Variants in TEX26 observed in about 807,000 individuals in gnomAD.
The protein encoded by TEX26 is testis-expressed protein 26.
Under a neutral mutation model 35.3 loss-of-function variants are expected in TEX26, and 34 were observed. The ratio of observed to expected loss-of-function variants is 0.96; its 90% CI spans 0.73 to 1.28. TEX26 has a LOEUF of 1.28. TEX26 is among the 50% of genes most tolerant of loss of function. The probability of loss-of-function intolerance (pLI) is 0.00; values close to 1 mark genes in which losing one functional copy is unlikely to be tolerated. For synonymous variants in TEX26, 136 were observed against 111.8 expected, an observed-to-expected ratio of 1.22 and a Z score of -1.36; for missense variants, 371 against 330.1, an observed-to-expected ratio of 1.12 and a Z score of -0.96.
chr13:30,948,591 GT>G (rs1311068384), intron 2 of TEX26, among the ~76,000 whole-genome samples: 1 of 152,044 alleles, frequency 6.6e-6, no homozygotes, highest in Non-Finnish European at 1.5e-5. Context: ...GGGGTTGTTT[GT>G]TTTTTTCTTG....
At chr13:30,949,588 G>A (rs1218899173) in intron 2 of TEX26, among the ~76,000 whole-genome samples, 2 of 151,822 alleles carry the variant, frequency 1.3e-5, no homozygotes, top group Non-Finnish European at 2.9e-5. Flanking sequence ...TAAAAGATTT[G>A]GGTCTGATAT....
At chr13:30,948,803 GA>G (rs1487719813) in intron 2 of TEX26, among the ~76,000 whole-genome samples, 1 of 152,194 alleles carries the variant, frequency 6.6e-6, no homozygotes, top group Non-Finnish European at 1.5e-5. Context: ...TTTTAGACAT[GA>G]AGTCCTTGGC....
At position 30,936,937 on chromosome 13, in the gene TEX26, T is replaced by C. The variant is rs140188027; in HGVS notation, c.62-2757T>C. On this transcript the variant is annotated intron_variant, in intron 1 of 6. Transcript: ENST00000380473. ...TGTTAATGAAGAAAATTAATTCCAA[T>C]GGCATACTGTACTTTCAGAAGCTTT... 40 of 985,408 alleles carry C rather than the reference T, an allele frequency of 4.1e-5. 1 individual carries two copies. In the East Asian group the frequency reaches 4.4e-3, roughly 109 times the overall value. 61.0% of individuals were successfully genotyped at this position (985,408 alleles called of 1,614,324 possible).
chr13:30,938,953 G>A (rs1184985937), intron 1 of TEX26, among the ~76,000 whole-genome samples: 1 of 152,104 alleles, frequency 6.6e-6, no homozygotes, highest in African/African-American at 2.4e-5. Context: ...AGCTTTAAAT[G>A]GCATCTACAC....
intron 3 of TEX26, among the ~76,000 whole-genome samples, chr13:30,954,895 C>T (rs76248277): frequency 6.6e-6 from 1 of 152,188 alleles, no homozygotes; most frequent in Admixed American, 6.5e-5. Context: ...ATTGAAGGCT[C>T]TCAACCAATG....
chr13:30,965,502 T>G (rs1024738062), intron 4 of TEX26, among the ~76,000 whole-genome samples: 2 of 152,226 alleles, frequency 1.3e-5, no homozygotes, highest in Non-Finnish European at 2.9e-5. Flanking sequence ...TTACATGATA[T>G]GCCTCTGAAC....
intron 6 of TEX26, among the ~76,000 whole-genome samples, chr13:30,972,796 A>G (rs542208718): frequency 1.3e-5 from 2 of 152,294 alleles, no homozygotes; most frequent in African/African-American, 2.4e-5. Flanking sequence ...CACCACGCCC[A>G]GCTAATTTTT....
intron 2 of TEX26, among the ~76,000 whole-genome samples, chr13:30,948,996 G>T (rs1369182278): frequency 2.0e-5 from 3 of 152,062 alleles, no homozygotes; most frequent in African/African-American, 7.2e-5. Context: ...ATTAAATAGG[G>T]AATCCTTTCC....
intron 6 of TEX26, among the ~76,000 whole-genome samples, chr13:30,973,641 AAC>A (rs1954782520): frequency 6.6e-6 from 1 of 152,176 alleles, no homozygotes; most frequent in Admixed American, 6.5e-5. Flanking sequence ...AACAGGAATA[AAC>A]ACACACACTC....
intron 2 of TEX26, among the ~76,000 whole-genome samples, chr13:30,942,059 T>C (rs892424007): frequency 6.6e-6 from 1 of 152,230 alleles, no homozygotes; most frequent in East Asian, 1.9e-4. Context: ...ACGATAGATC[T>C]ACTGTTAGTT....
chr13:30,970,255 C>T (rs1386189201), intron 6 of TEX26, among the ~76,000 whole-genome samples: 1 of 151,518 alleles, frequency 6.6e-6, no homozygotes, highest in African/African-American at 2.4e-5. Flanking sequence ...ACATTGAGGG[C>T]TGAGAGCCTA....
chr13:30,935,435 T>C (rs1171739563), intron 1 of TEX26, among the ~76,000 whole-genome samples: 4 of 152,022 alleles, frequency 2.6e-5, no homozygotes, highest in Non-Finnish European at 5.9e-5. Context: ...CCCTCTGAAG[T>C]CCATAAAAAC....
At chr13:30,969,096 T>C (rs754088727) in intron 6 of TEX26, 50 bp downstream of exon 6, 1 of 1,506,570 alleles carries the variant, frequency 6.6e-7, no homozygotes, top group South Asian at 1.4e-5. Flanking sequence ...TACATTGCTT[T>C]TGCCAAATAG....
intron 4 of TEX26, among the ~76,000 whole-genome samples, chr13:30,962,313 C>G (rs1052974200): frequency 1.3e-5 from 2 of 152,188 alleles, no homozygotes; most frequent in Non-Finnish European, 2.9e-5. Flanking sequence ...CGCCATGCTG[C>G]CTCCTCTCTT....
intron 6 of TEX26, among the ~76,000 whole-genome samples, chr13:30,969,359 T>C (rs1566168914): frequency 6.6e-6 from 1 of 152,232 alleles, no homozygotes; most frequent in Non-Finnish European, 1.5e-5. Flanking sequence ...GCTAATTGAT[T>C]TCTCCTTTGG....
At position 30,939,783 on chromosome 13, in the gene TEX26, A is replaced by C; in HGVS notation, c.146+5A>C. 6.2e-7 allele frequency: 1 copy of C among 1,612,164 alleles called. No individual in the cohort carries two copies. Among genetic ancestry groups the C allele is most frequent in the Non-Finnish European group, 8.5e-7 (1 of 1,178,334 alleles). ...AGCAGTGCCTGCCTTAATTCGGTAG[A>C]TCATTATTTGTGTTGGATTGATATA... On this transcript the variant is annotated splice_donor_5th_base_variant and intron_variant, in intron 2 of 6. Coordinates refer to ENST00000380473, the MANE Select transcript of TEX26 (RefSeq NM_152325.3).
At chr13:30,960,384 A>T (rs1248367902) in intron 4 of TEX26, among the ~76,000 whole-genome samples, 1 of 152,154 alleles carries the variant, frequency 6.6e-6, no homozygotes, top group Non-Finnish European at 1.5e-5. Flanking sequence ...CTGAGACTGC[A>T]GGCATGCACC....
At chr13:30,974,549 C>G (rs1438386399) in intron 6 of TEX26, among the ~76,000 whole-genome samples, 3 of 152,090 alleles carry the variant, frequency 2.0e-5, no homozygotes, top group Admixed American at 1.3e-4. Context: ...GAGGTTAAAT[C>G]ATTTGCTAAC....
At chr13:30,942,999 A>T (rs1234221121) in intron 2 of TEX26, among the ~76,000 whole-genome samples, 1 of 152,060 alleles carries the variant, frequency 6.6e-6, no homozygotes, top group Non-Finnish European at 1.5e-5. Flanking sequence ...TATGAATTTT[A>T]GAATTGTTTT....
Sources: allele counts gnomAD v4.1 joint callset (sites outside exome capture counted in the v4.1 genomes callset), GRCh38; gene constraint gnomAD v4.1.1; transcripts MANE v1.5; gene names NCBI Gene and HGNC (gene_info 2026-07-23, HGNC 2026-07-21).